GTF2I: variants seen among roughly 807,000 people sequenced by gnomAD.
GTF2I encodes the protein general transcription factor IIi.
GTF2I carries 12 observed loss-of-function variants against 67.6 expected under a neutral mutation model. That is an observed-to-expected ratio of 0.18 (90% CI 0.11 to 0.29). GTF2I has a LOEUF of 0.29. GTF2I is among the 10% of genes least tolerant of loss of function. The probability of loss-of-function intolerance (pLI) is 1.00; values close to 1 mark genes in which losing one functional copy is unlikely to be tolerated. For missense variants in GTF2I, 271 were observed against 580.1 expected (o/e 0.47, Z 5.47); for synonymous variants, 149 against 197.0 (o/e 0.76, Z 2.04).
In GTF2I at chr7:74,730,220, A is replaced by C; in HGVS notation, c.1055-9A>C. 5.4e-6 allele frequency: 1 copy of C among 184,536 alleles called. No homozygotes were observed. The highest frequency in any genetic ancestry group is 9.2e-6 in the Non-Finnish European group (1 of 108,364). 11.4% of individuals were successfully genotyped at this position (184,536 alleles called of 1,614,324 possible). ...TCTTAATGAGAATTAACTTTTGCTC[A>C]ATTTTCAGAGAAATGGAATGCTCGC... On this transcript the variant is annotated splice_polypyrimidine_tract_variant and intron_variant, in intron 13 of 34. Transcript: ENST00000573035.
intron 1 of GTF2I, among the ~76,000 whole-genome samples, chr7:74,680,099 A>AAAAAATAT: frequency 3.2e-5 from 3 of 94,990 alleles, no homozygotes; most frequent in African/African-American, 1.2e-4. Context: ...AAAAAAAAAA[A>AAAAAATAT]ATATATATAT....
intron 9 of GTF2I, among the ~76,000 whole-genome samples, chr7:74,714,650 A>C (rs1434922913): frequency 6.6e-6 from 1 of 152,056 alleles, no homozygotes; most frequent in Non-Finnish European, 1.5e-5. Flanking sequence ...GACTGTTTAC[A>C]TATGAATTCA....
At chr7:74,732,724 T>A in intron 15 of GTF2I, 62 bp downstream of exon 15, 1 of 1,536,508 alleles carries the variant, frequency 6.5e-7, no homozygotes, top group Non-Finnish European at 8.7e-7. Flanking sequence ...TCTTTTTTAT[T>A]GTTGACCAAT....
intron 1 of GTF2I, among the ~76,000 whole-genome samples, chr7:74,658,698 A>T (rs1312811354): frequency 1.3e-5 from 2 of 150,376 alleles, no homozygotes; most frequent in African/African-American, 4.9e-5. Flanking sequence ...CCCCGCTCCC[A>T]GGTGGAGTCC....
chr7:74,717,129 ACC>A, intron 11 of GTF2I, 179 bp downstream of exon 11: 1 of 725,064 alleles, frequency 1.4e-6, no homozygotes, highest in Non-Finnish European at 2.1e-6. Context: ...TACTTCTTTG[ACC>A]ATACTGATTA....
At chr7:74,702,252 G>A (rs1406353329) in intron 6 of GTF2I, among the ~76,000 whole-genome samples, 2 of 151,296 alleles carry the variant, frequency 1.3e-5, no homozygotes, top group South Asian at 2.1e-4. Context: ...TAATTGAGAC[G>A]GAGTCTCGTT....
At chr7:74,675,700 T>A (rs992837564) in intron 1 of GTF2I, among the ~76,000 whole-genome samples, 6 of 151,944 alleles carry the variant, frequency 3.9e-5, no homozygotes, top group African/African-American at 1.5e-4. Context: ...AATTTTACAG[T>A]GTATAGTGTG....
intron 1 of GTF2I, among the ~76,000 whole-genome samples, chr7:74,679,239 C>T (rs1354591471): frequency 6.6e-6 from 1 of 151,602 alleles, no homozygotes; most frequent in Non-Finnish European, 1.5e-5. Context: ...CCACACCCAG[C>T]TTATTTTTGT....
In GTF2I at chr7:74,731,220, A is replaced by C. The variant is rs1794450538; in HGVS notation, c.1120+926A>C. Among the ~76,000 whole-genome samples the C allele has an allele frequency of 3.5e-5, 5 of 144,902 alleles. No individual in the cohort carries two copies. The South Asian group carries it at 1.1e-3, about 33-fold the overall frequency. Reference sequence around the variant, plus strand: ...TTTATTATCATCTGTTATCATTTTTATTTGGATGACTATTTACTTTGCCAT... The same window carrying C: ...TTTATTATCATCTGTTATCATTTTTCTTTGGATGACTATTTACTTTGCCAT... On this transcript the variant is annotated intron_variant, in intron 14 of 34. Coordinates refer to ENST00000573035, the MANE Select transcript of GTF2I (RefSeq NM_032999.4).
intron 1 of GTF2I, among the ~76,000 whole-genome samples, chr7:74,670,487 A>T (rs1805352551): frequency 6.6e-6 from 1 of 152,108 alleles, no homozygotes; most frequent in Non-Finnish European, 1.5e-5. Flanking sequence ...ATCTGAGGTC[A>T]GGAGTTTGAG....
At chr7:74,718,062 G>A (rs1554403951) in intron 11 of GTF2I, among the ~76,000 whole-genome samples, 3 of 152,184 alleles carry the variant, frequency 2.0e-5, no homozygotes, top group Non-Finnish European at 2.9e-5. Context: ...TGCAGTACGA[G>A]GGCTCATTGG....
intron 13 of GTF2I, among the ~76,000 whole-genome samples, chr7:74,729,456 GT>G (rs1308197812): frequency 1.3e-5 from 2 of 151,058 alleles, no homozygotes; most frequent in African/African-American, 2.4e-5. Context: ...TTTTAAATAT[GT>G]TTTTGTTCTT....
At chr7:74,659,237 T>G (rs1020982769) in intron 1 of GTF2I, among the ~76,000 whole-genome samples, 4 of 152,094 alleles carry the variant, frequency 2.6e-5, no homozygotes, top group Non-Finnish European at 4.4e-5. Flanking sequence ...TTTCTTTTTT[T>G]TTTTTAGAAA....
chr7:74,660,316 C>G (rs1554385927), intron 1 of GTF2I, among the ~76,000 whole-genome samples: 1 of 150,136 alleles, frequency 6.7e-6, no homozygotes, highest in Non-Finnish European at 1.5e-5. Context: ...CAGTCTCCCC[C>G]GAGTAGCTGG....
chr7:74,684,460 T>C (rs1483383191), intron 1 of GTF2I, among the ~76,000 whole-genome samples: 1 of 152,180 alleles, frequency 6.6e-6, no homozygotes, highest in African/African-American at 2.4e-5. Flanking sequence ...GCCCGATGCC[T>C]CCTCTGGTGT....
At chr7:74,659,063 C>A (rs1804226820) in intron 1 of GTF2I, among the ~76,000 whole-genome samples, 1 of 117,078 alleles carries the variant, frequency 8.5e-6, no homozygotes, top group Non-Finnish European at 2.0e-5. Context: ...ATGCGCAGCT[C>A]TTGCTGACTA....
intron 8 of GTF2I, among the ~76,000 whole-genome samples, chr7:74,706,774 C>T (rs1790765641): frequency 2.0e-5 from 3 of 152,136 alleles, no homozygotes; most frequent in African/African-American, 7.2e-5. Context: ...CTCCACCTTC[C>T]TTCTCTGCAC....
intron 6 of GTF2I, among the ~76,000 whole-genome samples, chr7:74,701,675 G>A (rs1789780171): frequency 1.3e-5 from 2 of 152,206 alleles, no homozygotes; most frequent in Admixed American, 6.5e-5. Flanking sequence ...CACCATGTTA[G>A]GATGATCTCG....
chr7:74,737,201 TA>T lies in GTF2I; in HGVS notation c.1619+530del, dbSNP rs879961466. ...GAGCGAGACTCCATCTCAAAATAAT[TA>T]AAAAAAAAAAATAGAAAAATGCAAT... On this transcript the variant is annotated intron_variant, in intron 18 of 34. Coordinates refer to ENST00000573035, the MANE Select transcript of GTF2I (RefSeq NM_032999.4). 5.5e-3 allele frequency among the ~76,000 whole-genome samples: 745 copies of T among 136,264 alleles called. 26 individuals carry two copies. The highest frequency in any genetic ancestry group is 0.02 in the African/African-American group (689 of 35,086). The allele number at this position is 136,264 out of a possible 152,430, so 89.4% of individuals were successfully genotyped here.
Sources: allele counts gnomAD v4.1 joint callset (sites outside exome capture counted in the v4.1 genomes callset), GRCh38; gene constraint gnomAD v4.1.1; transcripts MANE v1.5; gene names NCBI Gene and HGNC (gene_info 2026-07-23, HGNC 2026-07-21).